LRRC55: variants seen among roughly 807,000 people sequenced by gnomAD.
The protein encoded by LRRC55 is leucine rich repeat containing 55.
A neutral mutation model predicts 20.5 loss-of-function variants in LRRC55; 11 were observed. That is an observed-to-expected ratio of 0.54 (90% CI 0.34 to 0.89). The LOEUF (loss-of-function observed/expected upper bound fraction) is 0.89, where lower values mean the gene tolerates loss of function less well. Among genes scored for constraint, LRRC55 ranks in the 40% least tolerant of loss-of-function variants. LRRC55 has a pLI of 0.02. For missense variants in LRRC55, 358 were observed against 390.9 expected, an observed-to-expected ratio of 0.92 and a Z score of 0.71; for synonymous variants, 188 against 166.6, an observed-to-expected ratio of 1.13 and a Z score of -0.99.
chr11:57,187,209 C>T (rs1854442478), intron 1 of LRRC55, 36 bp from the exon 2 acceptor site: 1 of 1,589,632 alleles, frequency 6.3e-7, no homozygotes, highest in Non-Finnish European at 8.6e-7. Flanking sequence ...CTCTCCTTCC[C>T]TGGGTACCTC....
chr11:57,183,992 A>G (rs1358876559), intron 1 of LRRC55, among the ~76,000 whole-genome samples: 1 of 152,202 alleles, frequency 6.6e-6, no homozygotes, highest in Non-Finnish European at 1.5e-5. Flanking sequence ...ACCTGAGCTC[A>G]GCCCATGTTG....
rs1854360685 is a variant in LRRC55 at position 57,182,148 on chromosome 11, C to T, written c.126C>T (p.Cys42=). 4.3e-6 allele frequency: 7 copies of T among 1,614,046 alleles called. No individual in the cohort carries two copies. Among genetic ancestry groups the T allele is most frequent in the Non-Finnish European group, 5.9e-6 (7 of 1,180,040 alleles). Residue 42 remains cysteine (C), a synonymous_variant, in exon 1 of 2, where the codon TGC becomes TGT. Coordinates refer to ENST00000497933, the MANE Select transcript of LRRC55 (RefSeq NM_001005210.4). ...CCGGCACCAGCTGCCCCGTCCTTTGCACATGCCGTAACCAGGTGGTGGATT... is the reference window on the plus strand; with the variant it reads ...CCGGCACCAGCTGCCCCGTCCTTTGTACATGCCGTAACCAGGTGGTGGATT... ...SDAGTSCPVL[C]TCRNQVVDCS...
At position 57,187,270 on chromosome 11, in the gene LRRC55, C is replaced by T. The variant is rs1398825412; in HGVS notation, c.687C>T (p.Gly229=). ...TADSQLAECR[G]PPEVEGAPLF... ...ATTCTCAGCTGGCTGAGTGCCGGGG[C>T]CCTCCTGAAGTCGAGGGCGCCCCGC... Residue 229 remains glycine (G), a synonymous_variant, in exon 2 of 2, where the codon GGC becomes GGT. Transcript: ENST00000497933. 1.2e-6 allele frequency: 2 copies of T among 1,613,744 alleles called. No homozygotes were observed. The highest frequency in any genetic ancestry group is 1.7e-6 in the Non-Finnish European group (2 of 1,180,014).
intron 1 of LRRC55, among the ~76,000 whole-genome samples, chr11:57,186,753 G>T (rs117309699): frequency 0.02 from 3,114 of 152,326 alleles, 54 homozygotes; most frequent in Non-Finnish European, 0.032. Flanking sequence ...AATCCCTGGA[G>T]CCCAAGGGGA....
At position 57,182,573 on chromosome 11, in the gene LRRC55, GC is replaced by G; in HGVS notation, c.553del (p.Leu185TyrfsTer5). 4 of 1,541,230 alleles carry G rather than the reference GC, an allele frequency of 2.6e-6. No individual in the cohort carries two copies. Among genetic ancestry groups the G allele is most frequent in the Non-Finnish European group, 3.5e-6 (4 of 1,144,124 alleles). ...LAFLSLEALE[G>X]LPGLVTLQIG... ...TTCCTCAGCCTGGAGGCTCTTGAGGGCCTACCGGGGCTGGTGACCCTGCAGA... is the reference window on the plus strand; with the variant it reads ...TTCCTCAGCCTGGAGGCTCTTGAGGGCTACCGGGGCTGGTGACCCTGCAGA... On this transcript the variant is annotated frameshift_variant, in exon 1 of 2. Coordinates refer to ENST00000497933, the MANE Select transcript of LRRC55 (RefSeq NM_001005210.4). LOFTEE classifies it high-confidence loss of function.
rs1854502010 is a variant in LRRC55, at chr11:57,190,951, C to T, written c.*3471C>T. On this transcript the variant is annotated 3_prime_UTR_variant, in exon 2 of 2. Coordinates refer to ENST00000497933, the MANE Select transcript of LRRC55 (RefSeq NM_001005210.4). The stretch of plus-strand genomic sequence containing the variant: ...GAGAACCTGACTTCTCCTTGCTTCC[C>T]TCTGCTCTCTCCTGCGCCTCAGAGA... 2 of 152,166 alleles carry T rather than the reference C, an allele frequency of 1.3e-5. No individual in the cohort carries two copies. The highest frequency in any genetic ancestry group is 2.9e-5 in the Non-Finnish European group (2 of 68,024). The allele number at this position is 152,166 out of a possible 1,614,324, so 9.4% of individuals were successfully genotyped here.
intron 1 of LRRC55, among the ~76,000 whole-genome samples, chr11:57,185,568 A>T (rs536858024): frequency 2.0e-5 from 3 of 152,016 alleles, no homozygotes; most frequent in South Asian, 2.1e-4. Flanking sequence ...TACAGGCATG[A>T]GCCACTGTGT....
rs1053379833 is a variant in LRRC55, at chr11:57,188,609, C to T, written c.*1129C>T. The stretch of plus-strand genomic sequence containing the variant: ...ACACACAAATCTTTTGAGGTGAACG[C>T]TGTTGTTCCCATTTTACGGATGAGG... On this transcript the variant is annotated 3_prime_UTR_variant, in exon 2 of 2. Transcript: ENST00000497933. The T allele has an allele frequency of 7.2e-5, 11 of 152,214 alleles. No individual in the cohort carries two copies. Among genetic ancestry groups the T allele is most frequent in the African/African-American group, 2.7e-4 (11 of 41,452 alleles). 9.4% of individuals were successfully genotyped at this position (152,214 alleles called of 1,614,324 possible). A position where few individuals can be genotyped will look rare whatever the true frequency, so the allele number is the denominator to read the frequency against.
At position 57,187,360 on chromosome 11, in the gene LRRC55, A is replaced by C; in HGVS notation, c.777A>C (p.Leu259=). The C allele has an allele frequency of 6.2e-7, 1 of 1,614,044 alleles. No individual in the cohort carries two copies. Among genetic ancestry groups the C allele is most frequent in the Non-Finnish European group, 8.5e-7 (1 of 1,180,000 alleles). Residue 259 remains leucine (L), a synonymous_variant, in exon 2 of 2, where the codon CTA becomes CTC. Transcript: ENST00000497933. Reference sequence around the variant, plus strand: ...TGACCCTGACCCTGGATGATTACCTATTCATTGCGTTCGTGGGCTTCGTGG... The same window carrying C: ...TGACCCTGACCCTGGATGATTACCTCTTCATTGCGTTCGTGGGCTTCGTGG... ...CHLTLTLDDY[L]FIAFVGFVVS... is the part of the protein sequence containing the mutation.
At chr11:57,186,798 T>C (rs1205033649) in intron 1 of LRRC55, among the ~76,000 whole-genome samples, 1 of 152,144 alleles carries the variant, frequency 6.6e-6, no homozygotes, top group African/African-American at 2.4e-5. Flanking sequence ...AAGACAGGAA[T>C]CCAGGGAAGG....
intron 1 of LRRC55, among the ~76,000 whole-genome samples, chr11:57,186,705 C>T (rs1854435697): frequency 6.6e-6 from 1 of 152,122 alleles, no homozygotes; most frequent in Non-Finnish European, 1.5e-5. Context: ...GTGGCTAGAG[C>T]AGGGTAAGTA....
chr11:57,183,627 T>A (rs1199206318), intron 1 of LRRC55, among the ~76,000 whole-genome samples: 1 of 152,184 alleles, frequency 6.6e-6, no homozygotes, highest in Non-Finnish European at 1.5e-5. Context: ...GCAGTAGAGT[T>A]CCAGGACCTC....
chr11:57,187,609 A>G lies in LRRC55; in HGVS notation c.*129A>G. The G allele has an allele frequency of 1.1e-6, 1 of 879,476 alleles. No homozygotes were observed. Among genetic ancestry groups the G allele is most frequent in the Admixed American group, 2.3e-5 (1 of 43,670 alleles). 54.5% of individuals were successfully genotyped at this position (879,476 alleles called of 1,614,324 possible). On this transcript the variant is annotated 3_prime_UTR_variant, in exon 2 of 2. Transcript: ENST00000497933. ...CAGTCATGGTTCAAGCAAGGTGGGG[A>G]CACTCATTTTGTATGAGCATCTGCT...
At position 57,182,099 on chromosome 11, in the gene LRRC55, C is replaced by T. The variant is rs149345094; in HGVS notation, c.77C>T (p.Ala26Val). The T allele has an allele frequency of 2.0e-4, 328 of 1,614,160 alleles. 1 individual carries two copies. Among genetic ancestry groups the T allele is most frequent in the South Asian group, 1.5e-3 (136 of 91,084 alleles). Reference protein sequence around the residue: ...PAMLLISLLLAAGLMHSDAGT... With the variant: ...PAMLLISLLLVAGLMHSDAGT... ...ATGCTGCTGATCTCCCTCCTCTTGG[C>T]AGCCGGGTTGATGCACTCGGATGCC... is the stretch of plus-strand genomic sequence containing the variant. The change falls in exon 1 of 2, where the codon GCA becomes GTA. Residue 26 changes from alanine (A) to valine (V), a missense_variant. Physicochemically the swap from Ala to Val is moderately conservative, Grantham distance 64. Around this residue, in one of 3 missense-constraint regions of LRRC55, gnomAD observed 175 missense variants for 164.5 expected, o/e 1.06. Coordinates refer to ENST00000497933, the MANE Select transcript of LRRC55 (RefSeq NM_001005210.4).
In LRRC55 at chr11:57,182,511, G is replaced by A. The variant is rs753760595; in HGVS notation, c.489G>A (p.Gln163=). 2 of 1,598,870 alleles carry A rather than the reference G, an allele frequency of 1.3e-6. No individual in the cohort carries two copies. Among genetic ancestry groups the A allele is most frequent in the Admixed American group, 1.7e-5 (1 of 59,468 alleles). ...VHPQAFQGLM[Q]LRDLDLSYGG... ...CCCAGGCCTTTCAGGGCCTCATGCA[G>A]CTCCGAGACCTGGACCTCAGTTATG... The change falls in exon 1 of 2, where the codon CAG becomes CAA. Residue 163 remains glutamine, a synonymous_variant. Coordinates refer to ENST00000497933, the MANE Select transcript of LRRC55 (RefSeq NM_001005210.4).
Position 57,182,311 on chromosome 11 carries a change from CACA to C in LRRC55, c.295_297del (p.Asn99del), listed in dbSNP as rs763654468. ...CATGGAGCTCCAGGTGCTGGATTTG[CACA>C]ACAACTCCTTAATGGAGCTGCCCCG... is the stretch of plus-strand genomic sequence containing the variant. On this transcript the variant is annotated inframe_deletion, in exon 1 of 2. Coordinates refer to ENST00000497933, the MANE Select transcript of LRRC55 (RefSeq NM_001005210.4). 27 of 1,614,084 alleles carry C rather than the reference CACA, an allele frequency of 1.7e-5. No homozygotes were observed. The highest frequency in any genetic ancestry group is 2.2e-5 in the Non-Finnish European group (26 of 1,179,968).
rs1222952172 is a variant in LRRC55 at position 57,187,639 on chromosome 11, G to T, written c.*159G>T. 3 of 712,088 alleles carry T rather than the reference G, an allele frequency of 4.2e-6. No individual in the cohort carries two copies. 44.1% of individuals were successfully genotyped at this position (712,088 alleles called of 1,614,324 possible). ...CATTTTGTATGAGCATCTGCTTTGGGCCAGGCGGCACGCTAGGAATTGGGA... is the reference window on the plus strand; with the variant it reads ...CATTTTGTATGAGCATCTGCTTTGGTCCAGGCGGCACGCTAGGAATTGGGA... On this transcript the variant is annotated 3_prime_UTR_variant, in exon 2 of 2. Transcript: ENST00000497933.
intron 1 of LRRC55, among the ~76,000 whole-genome samples, chr11:57,185,623 G>A (rs754715668): frequency 1.3e-5 from 2 of 151,758 alleles, no homozygotes; most frequent in Non-Finnish European, 2.9e-5. Flanking sequence ...TATTATACAG[G>A]CAGAGCATGA....
In LRRC55 at chr11:57,182,563, G is replaced by A. The variant is rs1565179125; in HGVS notation, c.541G>A (p.Ala181Thr). The A allele has an allele frequency of 1.2e-5, 19 of 1,551,124 alleles. No homozygotes were observed. The highest frequency in any genetic ancestry group is 1.6e-5 in the Non-Finnish European group (18 of 1,148,260). ...GGGCCTGGCCTTCCTCAGCCTGGAG[G>A]CTCTTGAGGGCCTACCGGGGCTGGT... ...YGGLAFLSLEALEGLPGLVTL... is the reference protein window; with the variant it reads ...YGGLAFLSLETLEGLPGLVTL... The change falls in exon 1 of 2, where the codon GCT becomes ACT. Residue 181 changes from alanine to threonine, a missense_variant. Physicochemically the swap from Ala to Thr is moderately conservative, Grantham distance 58 (BLOSUM62 0). Transcript: ENST00000497933.
Sources: gnomAD v4.1 joint callset for allele counts (sites outside exome capture counted in the v4.1 genomes callset) on GRCh38, gnomAD v4.1.1 for gene constraint, gnomAD v4.1.1 regional missense constraint, MANE v1.5 for transcripts, NCBI Gene and HGNC (gene_info 2026-07-23, HGNC 2026-07-21) for gene names.